IGSF10: variants seen among roughly 807,000 people sequenced by gnomAD.
IGSF10 encodes calvaria mechanical force protein 608.
In IGSF10, 126 loss-of-function variants were observed where a neutral mutation model predicts 128.2. That is an observed-to-expected ratio of 0.98 (90% CI 0.85 to 1.14). IGSF10 has a LOEUF of 1.14. Among genes scored for constraint, IGSF10 ranks in the 50% most tolerant of loss-of-function variants. The probability of loss-of-function intolerance (pLI) is 0.00; values close to 1 mark genes in which losing one functional copy is unlikely to be tolerated. For missense variants in IGSF10, 3,295 were observed against 3,149.8 expected, an observed-to-expected ratio of 1.05 and a Z score of -1.10; for synonymous variants, 1,185 against 1,146.2, an observed-to-expected ratio of 1.03 and a Z score of -0.68.
At chr3:151,551,223 T>C in the IGSF10 span, among the ~76,000 whole-genome samples, 2 of 152,200 alleles carry the variant, frequency 1.3e-5, no homozygotes, top group African/African-American at 4.8e-5. Context: ...CTCCCTTTGA[T>C]GCATACTTAT....
At chr3:151,510,788 A>T in the IGSF10 span, among the ~76,000 whole-genome samples, 2 of 152,244 alleles carry the variant, frequency 1.3e-5, no homozygotes, top group Non-Finnish European at 2.9e-5. Flanking sequence ...TGGAGCTGAA[A>T]ACCACGGCAC....
At chr3:151,613,747 T>C in the IGSF10 span, among the ~76,000 whole-genome samples, 1 of 152,182 alleles carries the variant, frequency 6.6e-6, no homozygotes, top group Admixed American at 6.5e-5. Flanking sequence ...GGCAATACCA[T>C]TCAGGACATA....
chr3:151,553,853 C>T, the IGSF10 span, among the ~76,000 whole-genome samples: 1 of 151,844 alleles, frequency 6.6e-6, no homozygotes, highest in African/African-American at 2.4e-5. Context: ...GTGGCTCATG[C>T]CTGCAATCCC....
At chr3:151,558,010 A>ATATATAATATATATATTATATATATAT in the IGSF10 span, among the ~76,000 whole-genome samples, 2 of 25,704 alleles carry the variant, frequency 7.8e-5, no homozygotes, top group African/African-American at 4.3e-4. Context: ...TATATAATAT[A>ATATATAATATATATATTATATATATAT]TATATATAAT....
the IGSF10 span, among the ~76,000 whole-genome samples, chr3:151,619,359 T>C: frequency 6.6e-6 from 1 of 152,008 alleles, no homozygotes; most frequent in African/African-American, 2.4e-5. Context: ...AAGCAGAACA[T>C]TTTTTATAAT....
At chr3:151,513,566 A>G in the IGSF10 span, among the ~76,000 whole-genome samples, 1 of 152,182 alleles carries the variant, frequency 6.6e-6, no homozygotes, top group African/African-American at 2.4e-5. Flanking sequence ...GGCACAAGAC[A>G]GGGATGCCCT....
At chr3:151,542,896 C>T in the IGSF10 span, among the ~76,000 whole-genome samples, 1 of 152,150 alleles carries the variant, frequency 6.6e-6, no homozygotes, top group African/African-American at 2.4e-5. Flanking sequence ...AGAGGCCACA[C>T]AATTTTAGCT....
chr3:151,462,902 A>G (rs1242515462), upstream of IGSF10, among the ~76,000 whole-genome samples: 2 of 152,170 alleles, frequency 1.3e-5, no homozygotes, highest in East Asian at 3.9e-4. Flanking sequence ...GAAATGTGGC[A>G]TATTTGTCGG....
the IGSF10 span, among the ~76,000 whole-genome samples, chr3:151,523,532 A>T: frequency 1.3e-5 from 2 of 152,172 alleles, no homozygotes; most frequent in Non-Finnish European, 2.9e-5. Context: ...TGACCATTTG[A>T]TCTTCGACAA....
the IGSF10 span, among the ~76,000 whole-genome samples, chr3:151,580,084 C>A: frequency 9.2e-5 from 14 of 152,184 alleles, no homozygotes; most frequent in Middle Eastern, 0.01. Flanking sequence ...GGCTCACACC[C>A]TTAATCGCAG....
chr3:151,565,680 C>G, the IGSF10 span, among the ~76,000 whole-genome samples: 1 of 152,056 alleles, frequency 6.6e-6, no homozygotes, highest in African/African-American at 2.4e-5. Flanking sequence ...TTTAGACCTA[C>G]TAAAGCACCT....
At chr3:151,497,350 G>A in the IGSF10 span, among the ~76,000 whole-genome samples, 1 of 152,136 alleles carries the variant, frequency 6.6e-6, no homozygotes, top group Non-Finnish European at 1.5e-5. Flanking sequence ...ATTAATTTTA[G>A]TATAAGGTGT....
rs763573934 is a variant in IGSF10 at position 151,437,799 on chromosome 3, A to C, written c.6762T>G (p.His2254Gln). 6.2e-7 allele frequency: 1 copy of C among 1,613,722 alleles called. No homozygotes were observed. The highest frequency in any genetic ancestry group is 1.1e-5 in the South Asian group (1 of 91,062). The change falls in exon 8 of 8, where the codon CAT (histidine) becomes CAG (glutamine). Residue 2254 changes from histidine to glutamine, a missense_variant. Transcript: ENST00000282466. ...CTCTGCAGTCAAAGTGTTTTTTGGAATGTCTCACAGCTGTGGCTTTAATAA... is the reference window on the plus strand; with the variant it reads ...CTCTGCAGTCAAAGTGTTTTTTGGACTGTCTCACAGCTGTGGCTTTAATAA... ...RTVIKATAVRHSKKHFDCRAE... is the reference protein window; with the variant it reads ...RTVIKATAVRQSKKHFDCRAE...
chr3:151,594,346 T>TG, the IGSF10 span, among the ~76,000 whole-genome samples: 5 of 150,284 alleles, frequency 3.3e-5, no homozygotes, highest in African/African-American at 1.2e-4. Flanking sequence ...TTTTTTTTTT[T>TG]TTTTTTAGAC....
chr3:151,532,935 G>A, the IGSF10 span, among the ~76,000 whole-genome samples: 1 of 152,146 alleles, frequency 6.6e-6, no homozygotes, highest in Non-Finnish European at 1.5e-5. Context: ...CATCATCTCA[G>A]TCCAAAATCT....
At chr3:151,585,253 G>A in the IGSF10 span, among the ~76,000 whole-genome samples, 2 of 151,634 alleles carry the variant, frequency 1.3e-5, no homozygotes, top group African/African-American at 4.8e-5. Flanking sequence ...TCATAATTTG[G>A]GTTAAATAAT....
At chr3:151,597,303 C>G in the IGSF10 span, among the ~76,000 whole-genome samples, 2 of 152,156 alleles carry the variant, frequency 1.3e-5, no homozygotes, top group African/African-American at 4.8e-5. Flanking sequence ...AATGTCTAAT[C>G]ATGAACTTTG....
chr3:151,568,029 TTTC>T, the IGSF10 span, among the ~76,000 whole-genome samples: 1 of 152,198 alleles, frequency 6.6e-6, no homozygotes, highest in East Asian at 1.9e-4. Context: ...CTCTCTCTGT[TTTC>T]TTCTGGGCCT....
rs1345354244 is a variant in IGSF10, at chr3:151,438,315, A to C, written c.6246T>G (p.Asn2082Lys). Reference protein sequence around the residue: ...WSLPDGTMINNAMQADDSGHR... With the variant: ...WSLPDGTMINKAMQADDSGHR... Reference sequence around the variant, plus strand: ...GGCCACTGTCATCGGCTTGCATTGCATTGTTGATCATGGTTCCATCAGGCA... The same window carrying C: ...GGCCACTGTCATCGGCTTGCATTGCCTTGTTGATCATGGTTCCATCAGGCA... The change falls in exon 8 of 8, where the codon AAT becomes AAG. Residue 2082 changes from asparagine (N) to lysine (K), a missense_variant. Physicochemically the swap from Asn to Lys is moderately conservative, Grantham distance 94. Coordinates refer to ENST00000282466, the MANE Select transcript of IGSF10 (RefSeq NM_178822.5). 3 of 1,613,974 alleles carry C rather than the reference A, an allele frequency of 1.9e-6. No homozygotes were observed. The highest frequency in any genetic ancestry group is 1.1e-5 in the South Asian group (1 of 91,088).
Sources: allele counts gnomAD v4.1 joint callset (sites outside exome capture counted in the v4.1 genomes callset), GRCh38; gene constraint gnomAD v4.1.1; transcripts MANE v1.5; gene names NCBI Gene and HGNC (gene_info 2026-07-23, HGNC 2026-07-21).